MEGF11: variants seen among roughly 807,000 people sequenced by gnomAD.
The protein encoded by MEGF11 is multiple EGF like domains 11.
Under a neutral mutation model 146.6 loss-of-function variants are expected in MEGF11, and 126 were observed. The observed-to-expected ratio is 0.86, with a 90% CI of 0.74 to 1.00. The LOEUF (loss-of-function observed/expected upper bound fraction) is 1.00, where lower values mean the gene tolerates loss of function less well. MEGF11 is among the 50% of genes least tolerant of loss of function. The probability of loss-of-function intolerance (pLI) is 0.00; values close to 1 mark genes in which losing one functional copy is unlikely to be tolerated. For synonymous variants in MEGF11, 532 were observed against 583.4 expected (o/e 0.91, Z 1.27); for missense variants, 1,509 against 1,521.2 (o/e 0.99, Z 0.13).
chr15:66,036,280 C>G (rs1192366065), intron 5 of MEGF11, among the ~76,000 whole-genome samples: 1 of 152,264 alleles, frequency 6.6e-6, no homozygotes, highest in Non-Finnish European at 1.5e-5. Context: ...CTTTCCTCTT[C>G]TCTATCCTTT....
At chr15:66,169,113 T>C (rs1243565301) in intron 1 of MEGF11, among the ~76,000 whole-genome samples, 1 of 152,266 alleles carries the variant, frequency 6.6e-6, no homozygotes, top group Non-Finnish European at 1.5e-5. Flanking sequence ...GACTGCACTA[T>C]CTGGTCGATG....
At chr15:66,054,834 T>C (rs909392725) in intron 5 of MEGF11, among the ~76,000 whole-genome samples, 3 of 151,060 alleles carry the variant, frequency 2.0e-5, no homozygotes, top group East Asian at 1.9e-4. Context: ...AAAGGGAAGA[T>C]TAAAGGTGGA....
At chr15:65,944,955 G>A (rs572945264) in intron 10 of MEGF11, among the ~76,000 whole-genome samples, 26 of 149,162 alleles carry the variant, frequency 1.7e-4, no homozygotes, top group African/African-American at 6.2e-4. Flanking sequence ...CTGGAGTGCA[G>A]TGGTGCCATC....
intron 5 of MEGF11, among the ~76,000 whole-genome samples, chr15:66,064,291 C>T (rs772479200): frequency 3.3e-5 from 5 of 151,984 alleles, no homozygotes; most frequent in Non-Finnish European, 4.4e-5. Flanking sequence ...ATCACTTGAA[C>T]CCAGGAGGTG....
intron 5 of MEGF11, among the ~76,000 whole-genome samples, chr15:66,056,033 G>GC (rs1164697706): frequency 6.6e-6 from 1 of 152,180 alleles, no homozygotes; most frequent in Non-Finnish European, 1.5e-5. Context: ...ACCAGCAGCA[G>GC]CAGCACCATA....
chr15:66,124,059 T>G, intron 2 of MEGF11, 59 bp from the exon 3 acceptor site: 1 of 1,394,116 alleles, frequency 7.2e-7, no homozygotes, highest in Non-Finnish European at 1.0e-6. Context: ...GAGCTGATAT[T>G]CCGCAGGGCA....
intron 15 of MEGF11, 91 bp downstream of exon 15, chr15:65,922,247 T>A: frequency 6.7e-7 from 1 of 1,484,978 alleles, no homozygotes; most frequent in Non-Finnish European, 9.2e-7. Flanking sequence ...CCATAGCGTA[T>A]GATGAAAATC....
chr15:66,117,840 G>A (rs2087808961), intron 4 of MEGF11, among the ~76,000 whole-genome samples: 1 of 152,200 alleles, frequency 6.6e-6, no homozygotes, highest in Admixed American at 6.5e-5. Context: ...CCTTTTAGGT[G>A]AACTGCTTTG....
At chr15:65,976,965 C>T (rs560169122) in intron 7 of MEGF11, among the ~76,000 whole-genome samples, 37 of 152,086 alleles carry the variant, frequency 2.4e-4, no homozygotes, top group East Asian at 2.3e-3. Context: ...GTCAGGAGAT[C>T]GAGACCGTCC....
At position 65,903,618 on chromosome 15, in the gene MEGF11, A is replaced by G. The variant is rs553137435; in HGVS notation, c.3055+2467T>C. ...AGCAAGAACTAGGACTACAACCCAC[A>G]TTCCTTAACTCCTAGGCTAGGGCTT... On this transcript the variant is annotated intron_variant, in intron 24 of 25. Transcript: ENST00000395614. 3.1e-4 allele frequency among the ~76,000 whole-genome samples: 47 copies of G among 152,350 alleles called. No individual in the cohort carries two copies. In the South Asian group the frequency reaches 9.5e-3, roughly 31 times the overall value.
chr15:66,149,423 T>A (rs2089484006), intron 1 of MEGF11, among the ~76,000 whole-genome samples: 1 of 152,228 alleles, frequency 6.6e-6, no homozygotes, highest in Non-Finnish European at 1.5e-5. Context: ...TTATGAGAAC[T>A]GAATGAATCA....
chr15:66,171,600 TTG>T (rs1332021878), intron 1 of MEGF11, among the ~76,000 whole-genome samples: 1 of 152,050 alleles, frequency 6.6e-6, no homozygotes, highest in African/African-American at 2.4e-5. Context: ...TCTCTCTAGC[TTG>T]TCTCTTTTTC....
At chr15:65,996,549 G>C (rs952702164) in intron 5 of MEGF11, among the ~76,000 whole-genome samples, 1 of 151,122 alleles carries the variant, frequency 6.6e-6, no homozygotes, top group Non-Finnish European at 1.5e-5. Context: ...GCAGTGGTGC[G>C]ATCTTGACTC....
chr15:66,026,943 T>C (rs2083349334), intron 5 of MEGF11, among the ~76,000 whole-genome samples: 1 of 152,226 alleles, frequency 6.6e-6, no homozygotes, highest in Admixed American at 6.5e-5. Flanking sequence ...ATATGAAATG[T>C]AAATTGAAAA....
At chr15:66,067,237 T>C (rs2085166414) in intron 5 of MEGF11, among the ~76,000 whole-genome samples, 1 of 152,216 alleles carries the variant, frequency 6.6e-6, no homozygotes, top group Admixed American at 6.5e-5. Context: ...AGATCCAGTC[T>C]CGGGCCTAAT....
chr15:66,023,163 G>C (rs1277171794), intron 5 of MEGF11, among the ~76,000 whole-genome samples: 1 of 126,970 alleles, frequency 7.9e-6, no homozygotes, highest in African/African-American at 3.1e-5. Context: ...AAACAAACTT[G>C]TTTGAAGCTC....
At chr15:66,042,424 T>A (rs2140302362) in intron 5 of MEGF11, among the ~76,000 whole-genome samples, 1 of 152,190 alleles carries the variant, frequency 6.6e-6, no homozygotes, top group East Asian at 1.9e-4. Flanking sequence ...ATGCACAGAT[T>A]TCATTACCCA....
chr15:66,233,620 C>G (rs2092020879), intron 1 of MEGF11, among the ~76,000 whole-genome samples: 1 of 152,192 alleles, frequency 6.6e-6, no homozygotes, highest in Non-Finnish European at 1.5e-5. Context: ...AAAGTCACCA[C>G]AGCAAATGCC....
chr15:66,208,131 G>A (rs1272705896), intron 1 of MEGF11, among the ~76,000 whole-genome samples: 1 of 151,216 alleles, frequency 6.6e-6, no homozygotes, highest in Non-Finnish European at 1.5e-5. Context: ...GAACTATATA[G>A]GAACAAAGTT....
Sources: allele counts gnomAD v4.1 joint callset (sites outside exome capture counted in the v4.1 genomes callset), GRCh38; gene constraint gnomAD v4.1.1; transcripts MANE v1.5; gene names NCBI Gene and HGNC (gene_info 2026-07-23, HGNC 2026-07-21).